EXOC4: variants seen among roughly 807,000 people sequenced by gnomAD.
EXOC4 encodes the protein exocyst complex component 4.
A neutral mutation model predicts 107.2 loss-of-function variants in EXOC4; 71 were observed. The observed-to-expected ratio is 0.66, with a 90% confidence interval of 0.55 to 0.81. The LOEUF (loss-of-function observed/expected upper bound fraction) is 0.81. EXOC4 is among the 30% of genes least tolerant of loss of function. The pLI, the probability that EXOC4 is intolerant of heterozygous loss-of-function variation, is 0.00. For missense variants in EXOC4, 1,108 were observed against 1,189.6 expected (o/e 0.93, Z 1.01); for synonymous variants, 456 against 441.2 (o/e 1.03, Z -0.42).
At chr7:133,738,070 C>T (rs769247969) in intron 10 of EXOC4, among the ~76,000 whole-genome samples, 28 of 151,684 alleles carry the variant, frequency 1.8e-4, no homozygotes, top group Non-Finnish European at 3.4e-4. Context: ...CCCCATCATG[C>T]CAGGCTAGTT....
At chr7:133,329,131 C>T (rs1161001) in intron 5 of EXOC4, among the ~76,000 whole-genome samples, 150,793 of 152,288 alleles carry the variant, frequency 0.99, 74,669 homozygotes, top group East Asian at 1. Flanking sequence ...TCACTCTTTT[C>T]CCTCCAATCT....
intron 10 of EXOC4, among the ~76,000 whole-genome samples, chr7:133,755,360 G>A (rs1398710664): frequency 1.1e-4 from 10 of 94,156 alleles, no homozygotes; most frequent in Admixed American, 3.3e-4. Flanking sequence ...TTTTTTTGGC[G>A]GGGGGACAGA....
intron 6 of EXOC4, among the ~76,000 whole-genome samples, chr7:133,369,577 A>G (rs1796318752): frequency 6.6e-6 from 1 of 151,880 alleles, no homozygotes. Flanking sequence ...CTTTTTAATG[A>G]TACTCTTTCC....
chr7:133,781,569 C>G (rs186374716), intron 10 of EXOC4, among the ~76,000 whole-genome samples: 106 of 152,342 alleles, frequency 7.0e-4, no homozygotes, highest in Non-Finnish European at 9.7e-4. Context: ...AATCCTAAAA[C>G]TTAGTAATTC....
chr7:133,648,682 A>G (rs1197208811), intron 10 of EXOC4, among the ~76,000 whole-genome samples: 1 of 152,186 alleles, frequency 6.6e-6, no homozygotes, highest in South Asian at 2.1e-4. Context: ...AGATACATTT[A>G]TATATTTATT....
At chr7:133,942,834 A>G (rs1023438267) in intron 14 of EXOC4, among the ~76,000 whole-genome samples, 10 of 152,182 alleles carry the variant, frequency 6.6e-5, no homozygotes, top group African/African-American at 2.4e-4. Context: ...CTACACCTAA[A>G]TATATGGAAT....
chr7:134,080,433 T>C, the EXOC4 span, among the ~76,000 whole-genome samples: 1 of 151,414 alleles, frequency 6.6e-6, no homozygotes, highest in Non-Finnish European at 1.5e-5. Context: ...TTGTTGTTGT[T>C]TTTACCTTGA....
chr7:134,024,031 A>C (rs947243045), intron 17 of EXOC4, among the ~76,000 whole-genome samples: 2 of 152,188 alleles, frequency 1.3e-5, no homozygotes, highest in African/African-American at 4.8e-5. Flanking sequence ...TCCAGGAGGA[A>C]GGCTGGACCA....
intron 9 of EXOC4, among the ~76,000 whole-genome samples, chr7:133,505,972 C>T (rs191500896): frequency 9.6e-4 from 146 of 152,138 alleles, no homozygotes; most frequent in African/African-American, 3.2e-3. Flanking sequence ...GATGAATGAA[C>T]GATTCCTTTT....
chr7:133,455,428 A>G (rs1273243251), intron 7 of EXOC4, among the ~76,000 whole-genome samples: 1 of 152,206 alleles, frequency 6.6e-6, no homozygotes, highest in African/African-American at 2.4e-5. Flanking sequence ...ATTATTTAGT[A>G]GTATTATTTT....
chr7:133,913,235 G>A (rs1177043828), intron 12 of EXOC4, among the ~76,000 whole-genome samples: 1 of 152,206 alleles, frequency 6.6e-6, no homozygotes, highest in African/African-American at 2.4e-5. Flanking sequence ...AGGAATAGCA[G>A]GAGATAAAGC....
At chr7:133,959,434 T>G (rs575584585) in intron 14 of EXOC4, among the ~76,000 whole-genome samples, 6 of 150,134 alleles carry the variant, frequency 4.0e-5, no homozygotes, top group Non-Finnish European at 8.9e-5. Context: ...TGAAGAAATA[T>G]CCATGAAGGT....
At chr7:133,835,372 G>A (rs900989897) in intron 11 of EXOC4, among the ~76,000 whole-genome samples, 1 of 152,208 alleles carries the variant, frequency 6.6e-6, no homozygotes, top group African/African-American at 2.4e-5. Context: ...CACATGCAAC[G>A]TCAATACATG....
intron 9 of EXOC4, among the ~76,000 whole-genome samples, chr7:133,507,864 C>T (rs376029907): frequency 1.6e-4 from 24 of 152,128 alleles, no homozygotes; most frequent in African/African-American, 5.8e-4. Context: ...GAGTTCAAAA[C>T]CAGCTGTGCC....
intron 10 of EXOC4, among the ~76,000 whole-genome samples, chr7:133,730,822 G>A (rs990870245): frequency 5.9e-5 from 9 of 152,036 alleles, no homozygotes; most frequent in South Asian, 2.1e-4. Context: ...GGATTAACTT[G>A]CAATAACAGA....
chr7:133,839,299 C>G (rs939314126), intron 11 of EXOC4, among the ~76,000 whole-genome samples: 1 of 152,148 alleles, frequency 6.6e-6, no homozygotes, highest in Non-Finnish European at 1.5e-5. Context: ...CATCCCTTGC[C>G]ATATCATTTG....
intron 7 of EXOC4, among the ~76,000 whole-genome samples, chr7:133,473,703 C>G (rs1233815218): frequency 6.6e-6 from 1 of 151,076 alleles, no homozygotes; most frequent in Non-Finnish European, 1.5e-5. Flanking sequence ...ATTACTGGGT[C>G]TTGTTTTTTT....
intron 7 of EXOC4, among the ~76,000 whole-genome samples, chr7:133,442,659 C>G (rs1445379748): frequency 6.6e-6 from 1 of 151,928 alleles, no homozygotes; most frequent in African/African-American, 2.4e-5. Flanking sequence ...TACATATGAT[C>G]TGGGAGAGAG....
chr7:133,783,091 T>C (rs998898095), intron 10 of EXOC4, among the ~76,000 whole-genome samples: 1 of 152,228 alleles, frequency 6.6e-6, no homozygotes, highest in Non-Finnish European at 1.5e-5. Context: ...ATAATGTATA[T>C]AGCAATTCAT....
Sources: allele counts gnomAD v4.1 joint callset (sites outside exome capture counted in the v4.1 genomes callset), GRCh38; gene constraint gnomAD v4.1.1; transcripts MANE v1.5; gene names NCBI Gene and HGNC (gene_info 2026-07-23, HGNC 2026-07-21).